The following COL6A6 variants were observed in gnomAD, a reference collection of about 807,000 sequenced individuals.
COL6A6 encodes collagen alpha-6(VI) chain.
COL6A6 carries 183 observed loss-of-function variants against 208.6 expected under a neutral mutation model. That is an observed-to-expected ratio of 0.88 (90% CI 0.78 to 0.99). The LOEUF (loss-of-function observed/expected upper bound fraction) is 0.99. Ranked by LOEUF, COL6A6 falls within the 50% of genes least tolerant of loss-of-function variation. The probability of loss-of-function intolerance (pLI) is 0.00; values close to 1 mark genes in which losing one functional copy is unlikely to be tolerated. For synonymous variants in COL6A6, 973 were observed against 1,011.8 expected (o/e 0.96, Z 0.73); for missense variants, 2,816 against 2,815.2 (o/e 1.00, Z -0.01).
At chr3:130,619,659 G>A (rs1227142376) in intron 23 of COL6A6, among the ~76,000 whole-genome samples, 1 of 152,176 alleles carries the variant, frequency 6.6e-6, no homozygotes, top group Non-Finnish European at 1.5e-5. Context: ...AAGAATTTAG[G>A]CAGGATGCAA....
intron 24 of COL6A6, among the ~76,000 whole-genome samples, chr3:130,623,911 G>A (rs2064810216): frequency 6.6e-6 from 1 of 152,148 alleles, no homozygotes; most frequent in Admixed American, 6.6e-5. Context: ...CAAGAAGGGA[G>A]GTGAAGAGTA....
intron 36 of COL6A6, among the ~76,000 whole-genome samples, chr3:130,671,496 T>A (rs556457055): frequency 6.6e-6 from 1 of 152,302 alleles, no homozygotes; most frequent in South Asian, 2.1e-4. Context: ...CATACCACTG[T>A]CTGTGCATTC....
intron 1 of COL6A6, among the ~76,000 whole-genome samples, chr3:130,535,724 T>A (rs2062207507): frequency 6.6e-6 from 1 of 152,188 alleles, no homozygotes; most frequent in Non-Finnish European, 1.5e-5. Context: ...ATTCCTCAGT[T>A]TGGGACTCCT....
intron 1 of COL6A6, among the ~76,000 whole-genome samples, chr3:130,546,046 G>A (rs1407320815): frequency 6.6e-6 from 1 of 152,072 alleles, no homozygotes; most frequent in Non-Finnish European, 1.5e-5. Context: ...AGTTTTGGAA[G>A]TTTCTATTGA....
chr3:130,579,769 T>A (rs2063377878), intron 8 of COL6A6, among the ~76,000 whole-genome samples: 1 of 152,194 alleles, frequency 6.6e-6, no homozygotes, highest in African/African-American at 2.4e-5. Context: ...CATGGAAGAC[T>A]TCAAGACAGG....
intron 33 of COL6A6, among the ~76,000 whole-genome samples, chr3:130,657,093 G>C: frequency 6.6e-6 from 1 of 152,260 alleles, no homozygotes; most frequent in East Asian, 1.9e-4. Context: ...CAAGAGCACA[G>C]GGATGCCTGG....
intron 6 of COL6A6, among the ~76,000 whole-genome samples, 192 bp from the exon 7 acceptor site, chr3:130,570,626 C>G (rs1490908863): frequency 1.6e-4 from 25 of 152,174 alleles, no homozygotes; most frequent in Admixed American, 1.6e-3. Flanking sequence ...ACAAGCTCAC[C>G]TAAGTGAGTA....
At chr3:130,648,919 G>C in intron 32 of COL6A6, 150 bp from the exon 33 acceptor site, 2 of 641,686 alleles carry the variant, frequency 3.1e-6, no homozygotes, top group East Asian at 3.1e-5. Context: ...AATTATTCAA[G>C]ATTTAAATAT....
chr3:130,578,694 C>T (rs1051255439), intron 8 of COL6A6, among the ~76,000 whole-genome samples: 2 of 152,160 alleles, frequency 1.3e-5, no homozygotes, highest in Non-Finnish European at 2.9e-5. Context: ...TACTGGGTTG[C>T]GTTATCCAGC....
chr3:130,546,785 T>G (rs942137250), intron 1 of COL6A6, among the ~76,000 whole-genome samples: 4 of 152,148 alleles, frequency 2.6e-5, no homozygotes, highest in Non-Finnish European at 5.9e-5. Flanking sequence ...TTACAAACCT[T>G]GAGCTAGACA....
intron 21 of COL6A6, 49 bp from the exon 22 acceptor site, chr3:130,608,853 C>T (rs772478489): frequency 1.6e-6 from 2 of 1,240,888 alleles, no homozygotes; most frequent in Non-Finnish European, 2.1e-6. Flanking sequence ...GTAAAGGAGA[C>T]AAAATGTTCA....
chr3:130,571,930 C>A (rs1316434120), intron 7 of COL6A6, among the ~76,000 whole-genome samples: 1 of 151,602 alleles, frequency 6.6e-6, no homozygotes. Flanking sequence ...CCATCTGCCC[C>A]CCTTGGCCTC....
At chr3:130,591,847 G>A (rs1291708948) in intron 13 of COL6A6, among the ~76,000 whole-genome samples, 5 of 152,150 alleles carry the variant, frequency 3.3e-5, no homozygotes, top group East Asian at 1.9e-4. Context: ...AGAGGGGAAC[G>A]CTGCGAACAA....
chr3:130,538,684 A>G (rs2062281993), intron 1 of COL6A6, among the ~76,000 whole-genome samples: 3 of 152,224 alleles, frequency 2.0e-5, no homozygotes, highest in Admixed American at 2.0e-4. Context: ...GTCTGATGCC[A>G]GAATCCATGA....
intron 33 of COL6A6, among the ~76,000 whole-genome samples, chr3:130,656,453 G>A (rs975147965): frequency 8.5e-5 from 13 of 152,230 alleles, no homozygotes; most frequent in African/African-American, 2.7e-4. Context: ...CCTCTCTGCA[G>A]CTGGTCAACT....
chr3:130,572,925 G>C (rs1041870036), intron 7 of COL6A6, among the ~76,000 whole-genome samples: 1 of 151,848 alleles, frequency 6.6e-6, no homozygotes, highest in Non-Finnish European at 1.5e-5. Flanking sequence ...GAAAGCTAAG[G>C]AACACACATG....
At chr3:130,660,370 T>G (rs1320423274) in intron 34 of COL6A6, among the ~76,000 whole-genome samples, 4 of 152,228 alleles carry the variant, frequency 2.6e-5, no homozygotes, top group Non-Finnish European at 5.9e-5. Context: ...AGTCACATCT[T>G]TATTGAGTCC....
intron 5 of COL6A6, 108 bp downstream of exon 5, chr3:130,567,370 T>A: frequency 2.3e-6 from 2 of 854,098 alleles, no homozygotes; most frequent in Non-Finnish European, 3.6e-6. Flanking sequence ...TAAGTTGAGA[T>A]TTGTTAACTT....
chr3:130,595,795 C>A (rs867966363), intron 18 of COL6A6, among the ~76,000 whole-genome samples: 1 of 152,066 alleles, frequency 6.6e-6, no homozygotes. Context: ...CACTTTTTTA[C>A]ATATTTATAT....
Sources: gnomAD v4.1 joint callset for allele counts (sites outside exome capture counted in the v4.1 genomes callset) on GRCh38, gnomAD v4.1.1 for gene constraint, MANE v1.5 for transcripts, NCBI Gene and HGNC (gene_info 2026-07-23, HGNC 2026-07-21) for gene names.